Variants in B3GNT3 observed in about 807,000 individuals in gnomAD.
The protein encoded by B3GNT3 is UDP-GlcNAc:betaGal beta-1,3-N-acetylglucosaminyltransferase 3.
In B3GNT3, 7 loss-of-function variants were observed where a neutral mutation model predicts 11.6. That is an observed-to-expected ratio of 0.60 (90% CI 0.34 to 1.13). The LOEUF is 1.13. B3GNT3 is among the 50% of genes most tolerant of loss of function. The pLI is 0.03. For synonymous variants in B3GNT3, 201 were observed against 222.1 expected (o/e 0.90, Z 0.85); for missense variants, 400 against 507.4 (o/e 0.79, Z 2.03).
rs777550767 is a variant in B3GNT3, at chr19:17,811,840, G to A, written c.837G>A (p.Thr279=). The A allele has an allele frequency of 8.7e-6, 14 of 1,614,184 alleles. No individual in the cohort carries two copies. The highest frequency in any genetic ancestry group is 1.6e-4 in the Middle Eastern group (1 of 6,062). ...GGGGFLLSRF[T]AAALRRAAHV... is the part of the protein sequence containing the mutation. ...GTGGCTTCTTGCTGTCCCGCTTCAC[G>A]GCCGCTGCCCTGCGCCGTGCTGCCC... Residue 279 remains threonine (T), a synonymous_variant, in exon 3 of 3, where the codon ACG becomes ACA. Transcript: ENST00000318683. This position sits in a 1 kb window ranked among gnomAD's most constrained non-coding sequence, Gnocchi z 4.1.
At chr19:17,802,265 T>C (rs2094167222) in intron 1 of B3GNT3, among the ~76,000 whole-genome samples, 1 of 152,064 alleles carries the variant, frequency 6.6e-6, no homozygotes, top group East Asian at 1.9e-4. Context: ...AAGCTATAAA[T>C]CTGTCTTCTG....
chr19:17,810,227 A>G (rs563499873), intron 2 of B3GNT3, among the ~76,000 whole-genome samples: 17 of 152,226 alleles, frequency 1.1e-4, no homozygotes, highest in African/African-American at 3.6e-4. Context: ...ACAGTGGCTC[A>G]TGCCTATAAT....
intron 1 of B3GNT3, among the ~76,000 whole-genome samples, chr19:17,802,863 T>TA (rs59549642): frequency 1.3e-5 from 2 of 151,504 alleles, no homozygotes; most frequent in African/African-American, 2.4e-5. Context: ...CTTTTTTTTT[T>TA]AATTTTTAGC....
chr19:17,803,731 G>A (rs1699077295), intron 1 of B3GNT3, among the ~76,000 whole-genome samples: 1 of 151,968 alleles, frequency 6.6e-6, no homozygotes, highest in African/African-American at 2.4e-5. Context: ...GGTGCCTGTG[G>A]TCGCAGCTAC....
At chr19:17,804,240 CTTTTTT>C (rs773524591) in intron 1 of B3GNT3, among the ~76,000 whole-genome samples, 1 of 112,188 alleles carries the variant, frequency 8.9e-6, no homozygotes, top group Non-Finnish European at 1.8e-5. Context: ...TCTTTTTTTT[CTTTTTT>C]TTTTTTTTTT....
Position 17,804,233 on chromosome 19 carries a change from TTTTTTTC to T in B3GNT3, c.-50-3518_-50-3512del, listed in dbSNP as rs1300159484. On this transcript the variant is annotated intron_variant, in intron 1 of 2. Coordinates refer to ENST00000318683, the MANE Select transcript of B3GNT3 (RefSeq NM_014256.4). ...TTTTTTTTTTCTTTTCTTTCTTTCT[TTTTTTTC>T]TTTTTTTTTTTTTTTTTGAGACAGA... 4.1e-3 allele frequency among the ~76,000 whole-genome samples: 583 copies of T among 143,920 alleles called. 3 individuals are homozygous for T. The highest frequency in any genetic ancestry group is 0.014 in the African/African-American group (559 of 38,958). The allele number at this position is 143,920 out of a possible 152,430, so 94.4% of individuals were successfully genotyped here.
At chr19:17,795,522 G>C (rs2094158584) in intron 1 of B3GNT3, among the ~76,000 whole-genome samples, 1 of 152,244 alleles carries the variant, frequency 6.6e-6, no homozygotes. Flanking sequence ...AGTCAGACTT[G>C]GCTGTTACTG....
chr19:17,797,342 G>A (rs2094160574), intron 1 of B3GNT3, among the ~76,000 whole-genome samples: 2 of 152,158 alleles, frequency 1.3e-5, no homozygotes, highest in Admixed American at 1.3e-4. Context: ...CCAGCCTGAA[G>A]GTGTGGGGGT....
chr19:17,796,946 C>T (rs2094160173), intron 1 of B3GNT3, among the ~76,000 whole-genome samples: 2 of 152,154 alleles, frequency 1.3e-5, no homozygotes, highest in African/African-American at 2.4e-5. Context: ...GGACCCTCTT[C>T]CTGGTGGGAA....
rs2094175189 is a variant in B3GNT3, at chr19:17,807,842, C to G, written c.35C>G (p.Thr12Ser). The change falls in exon 2 of 3, where the codon ACC becomes AGC. Residue 12 changes from threonine to serine, a missense_variant. By Grantham distance (58) the Thr-to-Ser change is moderately conservative (BLOSUM62 1). Coordinates refer to ENST00000318683, the MANE Select transcript of B3GNT3 (RefSeq NM_014256.4). ...CTCCGGCACCGGCGGCCCAATGCCA[C>G]CCTCATTCTGGCCATCGGCGCTTTC... is the stretch of plus-strand genomic sequence containing the variant. ...KYLRHRRPNA[T>S]LILAIGAFTL... The G allele has an allele frequency of 6.2e-7, 1 of 1,612,918 alleles. No homozygotes were observed. The highest frequency in any genetic ancestry group is 1.3e-5 in the African/African-American group (1 of 75,006).
In B3GNT3 at chr19:17,811,666, C is replaced by A. The variant is rs1380663443; in HGVS notation, c.663C>A (p.Val221=). The A allele has an allele frequency of 1.2e-6, 2 of 1,614,234 alleles. No individual in the cohort carries two copies. The highest frequency in any genetic ancestry group is 3.3e-5 in the Admixed American group (2 of 60,020). Residue 221 remains valine, a synonymous_variant, in exon 3 of 3, where the codon GTC becomes GTA. Transcript: ENST00000318683. The surrounding 1 kb of genome is among the most constrained non-coding windows in gnomAD (Gnocchi z 4.1). ...TCTTTGCACACACAGACAACATGGT[C>A]TTCTACCTGCAGGACCATGACCCTG... ...DDVFAHTDNM[V]FYLQDHDPGR...
intron 1 of B3GNT3, 91 bp from the exon 2 acceptor site, chr19:17,807,667 T>A: frequency 1.3e-6 from 1 of 797,394 alleles, no homozygotes; most frequent in Non-Finnish European, 1.9e-6. Flanking sequence ...TTTGCCAACC[T>A]GAGCAACTGT....
chr19:17,807,788 C>T lies in B3GNT3; in HGVS notation c.-20C>T, dbSNP rs563533384. On this transcript the variant is annotated 5_prime_UTR_variant, in exon 2 of 3. Transcript: ENST00000318683. ...GCCCAGGAGGCTCCTCAGGCCGACC[C>T]CAGACCCTGGCTGGCCAGGATGAAG... 3.1e-6 allele frequency: 5 copies of T among 1,595,854 alleles called. No individual in the cohort carries two copies. In the African/African-American group the frequency reaches 6.7e-5, roughly 21 times the overall value.
Position 17,807,960 on chromosome 19 carries a change from T to TCCGGCGCCCCC in B3GNT3, c.155_156insGGCGCCCCCCC (p.Pro53AlafsTer64). ...TCCCCGAGGCCCTGGCCTGGCCCACTCCACCCACCCGCCCAGCCCCGGCCC... is the reference window on the plus strand; with the variant it reads ...TCCCCGAGGCCCTGGCCTGGCCCACTCCGGCGCCCCCCCACCCACCCGCCCAGCCCCGGCCC... On this transcript the variant is annotated frameshift_variant, in exon 2 of 3. Coordinates refer to ENST00000318683, the MANE Select transcript of B3GNT3 (RefSeq NM_014256.4). LOFTEE classifies it high-confidence loss of function. The TCCGGCGCCCCC allele has an allele frequency of 6.2e-7, 1 of 1,609,550 alleles. No individual in the cohort carries two copies. The highest frequency in any genetic ancestry group is 8.5e-7 in the Non-Finnish European group (1 of 1,178,132).
At chr19:17,806,946 A>G (rs1198963880) in intron 1 of B3GNT3, among the ~76,000 whole-genome samples, 1 of 88,982 alleles carries the variant, frequency 1.1e-5, no homozygotes, top group African/African-American at 6.3e-5. Context: ...CATCTCAAGA[A>G]AAAAAAAAAA....
chr19:17,798,552 T>C (rs578075593), intron 1 of B3GNT3, among the ~76,000 whole-genome samples: 2 of 152,084 alleles, frequency 1.3e-5, no homozygotes, highest in Non-Finnish European at 2.9e-5. Flanking sequence ...ACACCTGTAA[T>C]CCCAGCTTCT....
Position 17,807,933 on chromosome 19 carries a change from G to T in B3GNT3, c.126G>T (p.Ala42=). The change falls in exon 2 of 3, where the codon GCG becomes GCT. Residue 42 remains alanine (A), a synonymous_variant. Coordinates refer to ENST00000318683, the MANE Select transcript of B3GNT3 (RefSeq NM_014256.4). ...PTCKVQEQPP[A]IPEALAWPTP... ...GCAAGGTCCAGGAGCAGCCACCGGCGATCCCCGAGGCCCTGGCCTGGCCCA... is the reference window on the plus strand; with the variant it reads ...GCAAGGTCCAGGAGCAGCCACCGGCTATCCCCGAGGCCCTGGCCTGGCCCA... The T allele has an allele frequency of 6.8e-6, 11 of 1,613,318 alleles. No individual in the cohort carries two copies. The highest frequency in any genetic ancestry group is 9.3e-6 in the Non-Finnish European group (11 of 1,179,904).
intron 1 of B3GNT3, among the ~76,000 whole-genome samples, chr19:17,795,664 C>T (rs2094158741): frequency 6.6e-6 from 1 of 152,198 alleles, no homozygotes; most frequent in Non-Finnish European, 1.5e-5. Flanking sequence ...GCTGCAGGCC[C>T]TGCCAGGTGG....
chr19:17,811,560 C>A lies in B3GNT3; in HGVS notation c.568-11C>A, dbSNP rs1216910149. On this transcript the variant is annotated splice_polypyrimidine_tract_variant and intron_variant, in intron 2 of 2. Coordinates refer to ENST00000318683, the MANE Select transcript of B3GNT3 (RefSeq NM_014256.4). This position sits in a 1 kb window ranked among gnomAD's most constrained non-coding sequence, Gnocchi z 4.1. ...CCTCAAGCAAGCATGCCCTGTCCACCCTGCCTGCAGGTCCTGTTCTTACAG... is the reference window on the plus strand; with the variant it reads ...CCTCAAGCAAGCATGCCCTGTCCACACTGCCTGCAGGTCCTGTTCTTACAG... 6.9e-6 allele frequency: 11 copies of A among 1,601,952 alleles called. No homozygotes were observed. The highest frequency in any genetic ancestry group is 1.3e-5 in the African/African-American group (1 of 74,770).
Sources: allele counts gnomAD v4.1 joint callset (sites outside exome capture counted in the v4.1 genomes callset), GRCh38; gene constraint gnomAD v4.1.1; non-coding constraint Gnocchi (gnomAD v3.1); transcripts MANE v1.5; gene names NCBI Gene and HGNC (gene_info 2026-07-23, HGNC 2026-07-21).